Variants in ANKS1B observed in about 807,000 individuals in gnomAD.
ANKS1B encodes ankyrin repeat and sterile alpha motif domain containing 1B.
Under a neutral mutation model 148.3 loss-of-function variants are expected in ANKS1B, and 36 were observed. The observed-to-expected ratio is 0.24, with a 90% CI of 0.19 to 0.32. ANKS1B has a LOEUF of 0.32. Among genes scored for constraint, ANKS1B ranks in the 10% least tolerant of loss-of-function variants. The pLI, the probability that ANKS1B is intolerant of heterozygous loss-of-function variation, is 1.00. For missense variants in ANKS1B, 1,157 were observed against 1,542.6 expected, an observed-to-expected ratio of 0.75 and a Z score of 4.19; for synonymous variants, 542 against 560.8, an observed-to-expected ratio of 0.97 and a Z score of 0.47.
At chr12:99,825,771 A>T (rs1246103672) in intron 1 of ANKS1B, among the ~76,000 whole-genome samples, 6 of 152,202 alleles carry the variant, frequency 3.9e-5, no homozygotes, top group Non-Finnish European at 7.3e-5. Flanking sequence ...ATGCCTGTTA[A>T]CACACTCCTT....
chr12:99,063,921 C>T (rs950273544), intron 16 of ANKS1B, among the ~76,000 whole-genome samples: 4 of 152,162 alleles, frequency 2.6e-5, no homozygotes, highest in African/African-American at 4.8e-5. Flanking sequence ...CCTTTGTTTA[C>T]AATTAGACTC....
intron 17 of ANKS1B, among the ~76,000 whole-genome samples, chr12:98,855,545 G>A (rs2099563963): frequency 6.6e-6 from 1 of 152,202 alleles, no homozygotes; most frequent in South Asian, 2.1e-4. Flanking sequence ...ACTATATGGA[G>A]TACCTGGAAT....
intron 17 of ANKS1B, among the ~76,000 whole-genome samples, chr12:98,882,365 A>C (rs2099710190): frequency 6.6e-6 from 1 of 152,194 alleles, no homozygotes. Context: ...ATAGACACCA[A>C]AGAGGACAAA....
chr12:98,939,729 T>A (rs987696204), intron 17 of ANKS1B, among the ~76,000 whole-genome samples: 4 of 152,234 alleles, frequency 2.6e-5, no homozygotes, highest in African/African-American at 9.6e-5. Context: ...TCACAAGTTC[T>A]TGCTGTGTAC....
chr12:98,841,562 A>G (rs1056668005), intron 17 of ANKS1B, among the ~76,000 whole-genome samples: 1 of 152,156 alleles, frequency 6.6e-6, no homozygotes, highest in Admixed American at 6.6e-5. Context: ...AATCTACCTA[A>G]AACTAGCTAA....
intron 10 of ANKS1B, among the ~76,000 whole-genome samples, chr12:99,469,161 A>C (rs1378007754): frequency 2.0e-5 from 3 of 151,866 alleles, no homozygotes; most frequent in Non-Finnish European, 1.5e-5. Context: ...GAAATTGGAA[A>C]TCATCATTCT....
In ANKS1B at chr12:99,674,382, C is replaced by G. The variant is rs574404163; in HGVS notation, c.1129-19172G>C. 2.8e-3 allele frequency among the ~76,000 whole-genome samples: 421 copies of G among 151,766 alleles called. 1 individual carries two copies. The highest frequency in any genetic ancestry group is 4.2e-3 in the South Asian group (20 of 4,808). On this transcript the variant is annotated intron_variant, in intron 8 of 26. Coordinates refer to ENST00000683438, the MANE Select transcript of ANKS1B (RefSeq NM_001352186.2). ...TAAATGGTTAAAGTAATAAATTAAT[C>G]CTAGCTGGACCTGCAAGGAAAGATG...
intron 11 of ANKS1B, among the ~76,000 whole-genome samples, chr12:99,408,838 G>T (rs1019060651): frequency 6.9e-6 from 1 of 145,626 alleles, no homozygotes; most frequent in Non-Finnish European, 1.5e-5. Flanking sequence ...TTATCCAAAA[G>T]ACAGGCAACG....
rs35767286 is a variant in ANKS1B at position 99,192,131 on chromosome 12, C to CAAA, written c.2420-37739_2420-37737dup. Among the ~76,000 whole-genome samples, 272 of 57,332 alleles carry CAAA rather than the reference C, an allele frequency of 4.7e-3. 2 individuals carry two copies. Among genetic ancestry groups the CAAA allele is most frequent in the Middle Eastern group, 0.014 (1 of 74 alleles). The allele number at this position is 57,332 out of a possible 152,430, so 37.6% of individuals were successfully genotyped here. ...TGAGTGACAGAGCAAGACTCCATCT[C>CAAA]AAAAAAAAAAAAAAAAAAAAAAAAA... On this transcript the variant is annotated intron_variant, in intron 14 of 26. Transcript: ENST00000683438.
chr12:99,578,463 T>C (rs1160327774), intron 9 of ANKS1B, among the ~76,000 whole-genome samples: 1 of 152,068 alleles, frequency 6.6e-6, no homozygotes. Flanking sequence ...AACCCCACAG[T>C]CTCTGCCCAA....
chr12:98,753,513 C>T (rs971930809), intron 25 of ANKS1B, among the ~76,000 whole-genome samples: 2 of 152,152 alleles, frequency 1.3e-5, no homozygotes, highest in African/African-American at 4.8e-5. Context: ...CTGCCACCTC[C>T]ACCTCTTGGG....
chr12:99,694,313 C>T (rs1400163448), intron 8 of ANKS1B, among the ~76,000 whole-genome samples: 1 of 151,268 alleles, frequency 6.6e-6, no homozygotes, highest in Non-Finnish European at 1.5e-5. Flanking sequence ...GTGGTAGGTA[C>T]CTGTAATCCC....
At position 99,096,983 on chromosome 12, in the gene ANKS1B, G is replaced by A. The variant is rs372007626; in HGVS notation, c.2527-11960C>T. The A allele has an allele frequency of 1.1e-3, 163 of 152,184 alleles. 2 individuals carry two copies. Among genetic ancestry groups the A allele is most frequent in the African/African-American group, 3.7e-3 (154 of 41,526 alleles). 9.4% of individuals were successfully genotyped at this position (152,184 alleles called of 1,614,324 possible). ...TAGAATTTCATGTTTCTTTCTACTTGGTATTATATGTCTTGTTTCCTTTAC... is the reference window on the plus strand; with the variant it reads ...TAGAATTTCATGTTTCTTTCTACTTAGTATTATATGTCTTGTTTCCTTTAC... On this transcript the variant is annotated intron_variant, in intron 15 of 26. Coordinates refer to ENST00000683438, the MANE Select transcript of ANKS1B (RefSeq NM_001352186.2).
intron 9 of ANKS1B, among the ~76,000 whole-genome samples, chr12:99,555,308 T>C (rs2097264461): frequency 6.6e-6 from 1 of 152,224 alleles, no homozygotes; most frequent in Admixed American, 6.5e-5. Flanking sequence ...CTCTGTTTGC[T>C]GAAGTTGTTT....
At chr12:99,237,218 CCT>C (rs1491445163) in intron 14 of ANKS1B, among the ~76,000 whole-genome samples, 11 of 152,140 alleles carry the variant, frequency 7.2e-5, no homozygotes, top group Admixed American at 7.2e-4. Flanking sequence ...GGGGTGTGTT[CCT>C]GTGTGTTTGT....
chr12:99,501,366 A>G (rs750262120), intron 10 of ANKS1B, among the ~76,000 whole-genome samples: 14 of 152,058 alleles, frequency 9.2e-5, no homozygotes, highest in Non-Finnish European at 2.1e-4. Flanking sequence ...CCTGGAGGAG[A>G]GTATATTTCT....
At chr12:98,761,842 G>A (rs2098412063) in intron 25 of ANKS1B, among the ~76,000 whole-genome samples, 1 of 152,182 alleles carries the variant, frequency 6.6e-6, no homozygotes, top group Admixed American at 6.5e-5. Context: ...GGCCATCCAG[G>A]GAGGAAAGGC....
At chr12:99,519,853 T>C (rs1004525300) in intron 9 of ANKS1B, among the ~76,000 whole-genome samples, 5 of 152,186 alleles carry the variant, frequency 3.3e-5, no homozygotes, top group African/African-American at 9.6e-5. Flanking sequence ...GAGGTTACCA[T>C]GAGCCTTGCA....
chr12:99,504,176 T>A (rs1395059436), intron 10 of ANKS1B, among the ~76,000 whole-genome samples: 1 of 152,152 alleles, frequency 6.6e-6, no homozygotes, highest in African/African-American at 2.4e-5. Flanking sequence ...TGTGAACTCC[T>A]GAAGGAACCA....
Sources: allele counts gnomAD v4.1 joint callset (sites outside exome capture counted in the v4.1 genomes callset), GRCh38; gene constraint gnomAD v4.1.1; transcripts MANE v1.5; gene names NCBI Gene and HGNC (gene_info 2026-07-23, HGNC 2026-07-21).